The following R3HDM2 variants were observed in gnomAD, a reference collection of about 807,000 sequenced individuals.
The protein encoded by R3HDM2 is R3H domain containing 2.
Under a neutral mutation model 124.5 loss-of-function variants are expected in R3HDM2, and 38 were observed. The ratio of observed to expected loss-of-function variants is 0.31; its 90% CI spans 0.24 to 0.40. R3HDM2 has a LOEUF of 0.40. Ranked by LOEUF, R3HDM2 falls within the 10% of genes least tolerant of loss-of-function variation. The probability of loss-of-function intolerance (pLI) is 1.00; values close to 1 mark genes in which losing one functional copy is unlikely to be tolerated. For synonymous variants in R3HDM2, 391 were observed against 448.0 expected (o/e 0.87, Z 1.61); for missense variants, 869 against 1,236.9 (o/e 0.70, Z 4.46).
intron 13 of R3HDM2, among the ~76,000 whole-genome samples, chr12:57,283,205 A>G (rs1276262489): frequency 1.3e-5 from 2 of 152,194 alleles, no homozygotes; most frequent in African/African-American, 2.4e-5. Context: ...AGTGGCTATC[A>G]TTTTCATCTT....
intron 2 of R3HDM2, among the ~76,000 whole-genome samples, chr12:57,332,657 T>C (rs992204584): frequency 6.6e-6 from 1 of 152,202 alleles, no homozygotes; most frequent in African/African-American, 2.4e-5. Flanking sequence ...AGATTCAAGC[T>C]TATAACCTGT....
At chr12:57,407,062 A>G (rs2139176625) in intron 1 of R3HDM2, among the ~76,000 whole-genome samples, 1 of 152,192 alleles carries the variant, frequency 6.6e-6, no homozygotes, top group East Asian at 1.9e-4. Context: ...CAGCCTGGCC[A>G]ACATGGTGAA....
intron 12 of R3HDM2, among the ~76,000 whole-genome samples, chr12:57,288,351 A>T (rs2047837389): frequency 2.0e-5 from 3 of 151,464 alleles, no homozygotes; most frequent in Non-Finnish European, 2.9e-5. Context: ...TCAAGAGAAA[A>T]CTACATACAT....
intron 1 of R3HDM2, among the ~76,000 whole-genome samples, chr12:57,420,949 A>C (rs1433426597): frequency 6.6e-6 from 1 of 151,984 alleles, no homozygotes; most frequent in African/African-American, 2.4e-5. Flanking sequence ...AAATTCAACC[A>C]TTCAAAAACC....
intron 4 of R3HDM2, 45 bp downstream of exon 4, chr12:57,303,131 T>C (rs2051648284): frequency 7.0e-7 from 1 of 1,433,934 alleles, no homozygotes. Flanking sequence ...TTGTGAAATG[T>C]ATTACTAATA....
At chr12:57,320,622 G>A (rs1566138041) in intron 2 of R3HDM2, among the ~76,000 whole-genome samples, 1 of 152,048 alleles carries the variant, frequency 6.6e-6, no homozygotes, top group Non-Finnish European at 1.5e-5. Context: ...GGAACAGGTG[G>A]GGCAGTGAAG....
At chr12:57,410,747 G>A (rs1490674042) in intron 1 of R3HDM2, among the ~76,000 whole-genome samples, 2 of 152,166 alleles carry the variant, frequency 1.3e-5, no homozygotes, top group Non-Finnish European at 2.9e-5. Flanking sequence ...CAGCTATGTG[G>A]GAGGATGAGG....
At chr12:57,286,478 G>A (rs2047361874) in intron 12 of R3HDM2, among the ~76,000 whole-genome samples, 1 of 152,190 alleles carries the variant, frequency 6.6e-6, no homozygotes, top group African/African-American at 2.4e-5. Flanking sequence ...TAGCGTTTTG[G>A]ACTAGTATCC....
Position 57,425,352 on chromosome 12 carries a change from A to C in R3HDM2, c.-106+5368T>G, listed in dbSNP as rs182135282. Among the ~76,000 whole-genome samples, 4 of 152,276 alleles carry C rather than the reference A, an allele frequency of 2.6e-5. No homozygotes were observed. In the East Asian group the frequency reaches 7.7e-4, roughly 29 times the overall value. ...ATGCAGTTATTTCTTTATACTAATA[A>C]TATCAGAACTATGTCCAGACAAATG... On this transcript the variant is annotated intron_variant, in intron 1 of 23. Transcript: ENST00000402412.
At chr12:57,422,469 G>A (rs998454196) in intron 1 of R3HDM2, among the ~76,000 whole-genome samples, 2 of 152,100 alleles carry the variant, frequency 1.3e-5, no homozygotes, top group South Asian at 2.1e-4. Flanking sequence ...CATGATTTAC[G>A]TAGGCAGTGC....
intron 2 of R3HDM2, among the ~76,000 whole-genome samples, chr12:57,385,391 T>C (rs559377218): frequency 6.7e-6 from 1 of 150,366 alleles, no homozygotes; most frequent in South Asian, 2.2e-4. Flanking sequence ...TACAGGCGCC[T>C]GCCACCACGC....
intron 1 of R3HDM2, among the ~76,000 whole-genome samples, chr12:57,428,969 A>C (rs1442534449): frequency 6.6e-6 from 1 of 151,262 alleles, no homozygotes; most frequent in Non-Finnish European, 1.5e-5. Context: ...CTGGTCTCAA[A>C]CTCCTGACCT....
chr12:57,308,686 C>T (rs932315504), intron 3 of R3HDM2, among the ~76,000 whole-genome samples: 1 of 151,392 alleles, frequency 6.6e-6, no homozygotes, highest in African/African-American at 2.4e-5. Flanking sequence ...AACTCAGCCT[C>T]AAAAAATAAA....
chr12:57,413,014 C>T (rs1166900845), intron 1 of R3HDM2, among the ~76,000 whole-genome samples: 1 of 152,000 alleles, frequency 6.6e-6, no homozygotes, highest in African/African-American at 2.4e-5. Context: ...ATTAGCCAGG[C>T]GTGGTGGCAT....
At chr12:57,270,309 G>A (rs142981850) in intron 14 of R3HDM2, among the ~76,000 whole-genome samples, 5,319 of 152,226 alleles carry the variant, frequency 0.035, 201 homozygotes, top group East Asian at 0.2. Context: ...TGCAACCTCC[G>A]CCTCCCAGGT....
At chr12:57,320,537 A>G (rs2056262753) in intron 2 of R3HDM2, among the ~76,000 whole-genome samples, 1 of 152,078 alleles carries the variant, frequency 6.6e-6, no homozygotes, top group Admixed American at 6.6e-5. Flanking sequence ...CAAATAGTAC[A>G]ATTTCAAAGG....
chr12:57,377,404 A>C (rs1409159899), intron 2 of R3HDM2, among the ~76,000 whole-genome samples: 1 of 152,098 alleles, frequency 6.6e-6, no homozygotes, highest in Non-Finnish European at 1.5e-5. Context: ...CACATGCTTC[A>C]TATTAACTCC....
chr12:57,430,431 G>T, intron 1 of R3HDM2: 2 of 789,618 alleles, frequency 2.5e-6, no homozygotes, highest in Non-Finnish European at 3.1e-6. Context: ...CGAAGCACTG[G>T]AAGGGCGCAA....
intron 2 of R3HDM2, among the ~76,000 whole-genome samples, chr12:57,322,626 CT>C (rs1420261513): frequency 1.3e-5 from 2 of 152,050 alleles, no homozygotes; most frequent in African/African-American, 4.8e-5. Flanking sequence ...TCTTTCTCGA[CT>C]TTTTTTTAAT....
Sources: allele counts gnomAD v4.1 joint callset (sites outside exome capture counted in the v4.1 genomes callset), GRCh38; gene constraint gnomAD v4.1.1; transcripts MANE v1.5; gene names NCBI Gene and HGNC (gene_info 2026-07-23, HGNC 2026-07-21).